The following SAMD12 variants were observed in gnomAD, a reference collection of about 807,000 sequenced individuals.
The protein encoded by SAMD12 is sterile alpha motif domain containing 12, also known as sterile alpha motif domain-containing protein 12.
Under a neutral mutation model 15.0 loss-of-function variants are expected in SAMD12, and 9 were observed. That is an observed-to-expected ratio of 0.60 (90% confidence interval 0.36 to 1.05). SAMD12 has a LOEUF of 1.05. Among genes scored for constraint, SAMD12 ranks in the 50% least tolerant of loss-of-function variants. The pLI, the probability that SAMD12 is intolerant of heterozygous loss-of-function variation, is 0.01. For synonymous variants in SAMD12, 86 were observed against 90.1 expected (o/e 0.96, Z 0.25); for missense variants, 230 against 234.2 (o/e 0.98, Z 0.12).
intron 3 of SAMD12, among the ~76,000 whole-genome samples, chr8:118,417,024 G>T (rs1821731205): frequency 6.6e-6 from 1 of 152,006 alleles, no homozygotes; most frequent in South Asian, 2.1e-4. Flanking sequence ...GGTTAATGAA[G>T]AAATGTAGTG....
rs149744808 is a variant in SAMD12 at position 118,426,236 on chromosome 8, G to T, written c.322+13596C>A. Reference sequence around the variant, plus strand: ...CTAGGCACTGTTCTAAATATTGTCCGGGTTTTAACTCCTTAATCCTCCCAA... The same window carrying T: ...CTAGGCACTGTTCTAAATATTGTCCTGGTTTTAACTCCTTAATCCTCCCAA... On this transcript the variant is annotated intron_variant, in intron 3 of 3. Transcript: ENST00000314727. 9.2e-5 allele frequency among the ~76,000 whole-genome samples: 14 copies of T among 152,192 alleles called. No individual in the cohort carries two copies. The South Asian group carries it at 2.5e-3, about 27-fold the overall frequency.
intron 2 of SAMD12, among the ~76,000 whole-genome samples, chr8:118,470,357 G>T (rs1051787735): frequency 6.6e-6 from 1 of 151,954 alleles, no homozygotes; most frequent in Non-Finnish European, 1.5e-5. Context: ...GTATTAGGTT[G>T]TGAAGTAGAA....
chr8:118,199,712 A>C (rs574387603), intron 4 of SAMD12, among the ~76,000 whole-genome samples: 4 of 152,194 alleles, frequency 2.6e-5, no homozygotes, highest in African/African-American at 9.7e-5. Flanking sequence ...TTAAAAAAGC[A>C]CTTATAACCA....
chr8:118,616,898 T>C (rs78650473), intron 1 of SAMD12, among the ~76,000 whole-genome samples: 4,886 of 152,286 alleles, frequency 0.032, 113 homozygotes, highest in Middle Eastern at 0.078. Flanking sequence ...ACTGCACATG[T>C]GAGAGATCTA....
chr8:118,351,802 T>C (rs2130599373), intron 4 of SAMD12, among the ~76,000 whole-genome samples: 1 of 152,228 alleles, frequency 6.6e-6, no homozygotes, highest in African/African-American at 2.4e-5. Flanking sequence ...GTCTAAAAAA[T>C]GAAGAAGTAG....
chr8:118,137,856 C>T, the SAMD12 span, among the ~76,000 whole-genome samples: 6 of 152,080 alleles, frequency 3.9e-5, no homozygotes, highest in African/African-American at 7.2e-5. Flanking sequence ...GGGCCACATA[C>T]GGCTGTGGGT....
At chr8:118,241,542 A>T (rs1812565051) in intron 4 of SAMD12, among the ~76,000 whole-genome samples, 1 of 152,172 alleles carries the variant, frequency 6.6e-6, no homozygotes, top group African/African-American at 2.4e-5. Flanking sequence ...GGAGAAGTTT[A>T]AGATGATTAT....
chr8:118,136,372 T>C, the SAMD12 span, among the ~76,000 whole-genome samples: 1 of 152,214 alleles, frequency 6.6e-6, no homozygotes, highest in African/African-American at 2.4e-5. Flanking sequence ...TCTCATGAAC[T>C]GAAAAGCCAA....
At chr8:118,324,009 T>C (rs186885628) in intron 4 of SAMD12, among the ~76,000 whole-genome samples, 20 of 149,118 alleles carry the variant, frequency 1.3e-4, no homozygotes, top group Admixed American at 4.7e-4. Context: ...CTAAATAACA[T>C]TTTGACAAAA....
At chr8:118,318,310 GTATATATATATATATATATATATA>G (rs55959055) in intron 4 of SAMD12, among the ~76,000 whole-genome samples, 12 of 113,332 alleles carry the variant, frequency 1.1e-4, no homozygotes, top group African/African-American at 2.9e-4. Flanking sequence ...AGATATATGT[GTATATATATATATATATATATATA>G]TATATATATA....
the SAMD12 span, among the ~76,000 whole-genome samples, chr8:118,180,717 C>A: frequency 6.6e-6 from 1 of 150,976 alleles, no homozygotes; most frequent in Non-Finnish European, 1.5e-5. Context: ...GGATTACTGG[C>A]ACATGTCACC....
At chr8:118,400,972 T>A (rs1414549278) in intron 3 of SAMD12, among the ~76,000 whole-genome samples, 1 of 152,246 alleles carries the variant, frequency 6.6e-6, no homozygotes, top group Non-Finnish European at 1.5e-5. Context: ...AGATGTCAAA[T>A]GTTACAACTT....
At chr8:118,178,660 T>A in the SAMD12 span, among the ~76,000 whole-genome samples, 1 of 151,876 alleles carries the variant, frequency 6.6e-6, no homozygotes, top group African/African-American at 2.4e-5. Flanking sequence ...GAGATGGGAT[T>A]TCACCATGTT....
At chr8:118,445,440 T>C (rs1300083397) in intron 2 of SAMD12, among the ~76,000 whole-genome samples, 1 of 152,202 alleles carries the variant, frequency 6.6e-6, no homozygotes, top group East Asian at 1.9e-4. Flanking sequence ...GGATTATTCA[T>C]GGGTTTGGAC....
At chr8:118,614,796 G>A (rs1828201440) in intron 1 of SAMD12, among the ~76,000 whole-genome samples, 1 of 152,196 alleles carries the variant, frequency 6.6e-6, no homozygotes. Context: ...TCACGCGGGA[G>A]GCAAGCTGTA....
At chr8:118,435,751 T>C (rs563265508) in intron 3 of SAMD12, among the ~76,000 whole-genome samples, 34 of 152,308 alleles carry the variant, frequency 2.2e-4, no homozygotes, top group Admixed American at 9.2e-4. Flanking sequence ...GGTTAAAGCG[T>C]AATTTTCAGA....
chr8:118,473,932 G>A (rs951248865), intron 2 of SAMD12, among the ~76,000 whole-genome samples: 5 of 152,082 alleles, frequency 3.3e-5, no homozygotes, highest in African/African-American at 1.2e-4. Context: ...TCCCCACACA[G>A]TATTACTAGC....
At chr8:118,433,412 C>CTTTTTTTTTTTTT (rs67140443) in intron 3 of SAMD12, among the ~76,000 whole-genome samples, 2 of 148,192 alleles carry the variant, frequency 1.3e-5, no homozygotes, top group Non-Finnish European at 1.5e-5. Context: ...TTGAAAGGGT[C>CTTTTTTTTTTTTT]TTTTTTTTTT....
At chr8:118,570,168 G>A (rs374322572) in intron 2 of SAMD12, among the ~76,000 whole-genome samples, 8 of 152,130 alleles carry the variant, frequency 5.3e-5, no homozygotes, top group African/African-American at 1.7e-4. Context: ...CTTGGCCAAC[G>A]CTAGAGGGTA....
Sources: allele counts gnomAD v4.1 joint callset (sites outside exome capture counted in the v4.1 genomes callset), GRCh38; gene constraint gnomAD v4.1.1; transcripts MANE v1.5; gene names NCBI Gene and HGNC (gene_info 2026-07-23, HGNC 2026-07-21).